Variants in RNF17 observed in about 807,000 individuals in gnomAD.
RNF17 encodes ring finger protein 17, also known as spermatogenesis associated 23.
Under a neutral mutation model 200.5 loss-of-function variants are expected in RNF17, and 31 were observed. The ratio of observed to expected loss-of-function variants is 0.15; its 90% CI spans 0.12 to 0.21. The LOEUF (loss-of-function observed/expected upper bound fraction) is 0.21. Among genes scored for constraint, RNF17 ranks in the 10% least tolerant of loss-of-function variants. The pLI is 1.00. For synonymous variants in RNF17, 606 were observed against 637.8 expected, an observed-to-expected ratio of 0.95 and a Z score of 0.75; for missense variants, 1,628 against 1,905.1, an observed-to-expected ratio of 0.85 and a Z score of 2.71.
chr13:24,770,871 A>G (rs183252995), intron 2 of RNF17, among the ~76,000 whole-genome samples: 15 of 152,300 alleles, frequency 9.8e-5, no homozygotes, highest in Admixed American at 7.8e-4. Flanking sequence ...ATTGTGTACA[A>G]TTCCTCAACC....
intron 15 of RNF17, among the ~76,000 whole-genome samples, chr13:24,822,198 T>C (rs928089290): frequency 6.6e-6 from 1 of 152,130 alleles, no homozygotes; most frequent in African/African-American, 2.4e-5. Flanking sequence ...GGCACCATCC[T>C]GTGTGCTTCT....
Position 24,812,998 on chromosome 13 carries a change from A to C in RNF17, c.2091+8569A>C, listed in dbSNP as rs1461517309. Among the ~76,000 whole-genome samples the C allele has an allele frequency of 2.0e-5, 3 of 152,106 alleles. No individual in the cohort carries two copies. The East Asian group carries it at 5.8e-4, about 30-fold the overall frequency. ...CGCCCGGCCAATAGCATTCTTAATA[A>C]GTGTGAAATGGTATCACTTTGTGAT... On this transcript the variant is annotated intron_variant, in intron 15 of 35. Transcript: ENST00000255324.
intron 7 of RNF17, among the ~76,000 whole-genome samples, chr13:24,788,644 A>T (rs1336018892): frequency 6.6e-6 from 1 of 152,162 alleles, no homozygotes; most frequent in Non-Finnish European, 1.5e-5. Context: ...GTGCAAGTCA[A>T]GAGACAGCTT....
chr13:24,869,737 T>A (rs187145743), intron 31 of RNF17, among the ~76,000 whole-genome samples: 4 of 152,148 alleles, frequency 2.6e-5, no homozygotes, highest in Non-Finnish European at 2.9e-5. Flanking sequence ...GTCTCAGGAG[T>A]CACACACTGT....
chr13:24,825,826 T>C, intron 16 of RNF17, 54 bp downstream of exon 16: 2 of 1,543,584 alleles, frequency 1.3e-6, no homozygotes, highest in East Asian at 4.5e-5. Flanking sequence ...AAAACTAATA[T>C]CATTTGAGTT....
Position 24,822,911 on chromosome 13 carries a change from T to G in RNF17, c.2092-2708T>G, listed in dbSNP as rs9578787. ...TGGTTTTCAGTGAGGTCAGGAATTC[T>G]TGACACTTTGTGTCATATCTTTACA... is the stretch of plus-strand genomic sequence containing the variant. On this transcript the variant is annotated intron_variant, in intron 15 of 35. Coordinates refer to ENST00000255324, the MANE Select transcript of RNF17 (RefSeq NM_031277.3). Among the ~76,000 whole-genome samples, 287 of 152,374 alleles carry G rather than the reference T, an allele frequency of 1.9e-3. 1 individual carries two copies. Among genetic ancestry groups the G allele is most frequent in the African/African-American group, 6.7e-3 (277 of 41,580 alleles).
the RNF17 span, chr13:24,885,187 G>A: frequency 2.3e-6 from 2 of 875,086 alleles, no homozygotes; most frequent in Non-Finnish European, 3.7e-6. Context: ...CTTGTCCAAA[G>A]AGCCCTTATT....
Position 24,877,088 on chromosome 13 carries a change from G to C in RNF17, c.4675G>C (p.Gly1559Arg), listed in dbSNP as rs1894941556. The change falls in exon 34 of 36, where the codon GGG (glycine) becomes CGG (arginine). Residue 1559 changes from glycine to arginine, a missense_variant. Transcript: ENST00000255324. ...GTTTAAACCTCCCTTAAGGGATCTAGGGGAGACAAGAATACCATATTGTCC... is the reference window on the plus strand; with the variant it reads ...GTTTAAACCTCCCTTAAGGGATCTACGGGAGACAAGAATACCATATTGTCC... ...AGFKPPLRDL[G>R]ETRIPYCPKW... 6.2e-7 allele frequency: 1 copy of C among 1,612,694 alleles called. No individual in the cohort carries two copies. Among genetic ancestry groups the C allele is most frequent in the Non-Finnish European group, 8.5e-7 (1 of 1,178,954 alleles).
intron 28 of RNF17, among the ~76,000 whole-genome samples, chr13:24,864,181 CGG>C (rs1178096059): frequency 6.6e-6 from 1 of 152,082 alleles, no homozygotes; most frequent in Non-Finnish European, 1.5e-5. Flanking sequence ...ACAGACCACA[CGG>C]GTGCAGGGAG....
chr13:24,757,109 G>A, the RNF17 span, among the ~76,000 whole-genome samples: 1 of 152,016 alleles, frequency 6.6e-6, no homozygotes, highest in Admixed American at 6.6e-5. Flanking sequence ...CCATGTTCCA[G>A]AACAAGAATG....
At chr13:24,872,349 T>C (rs1044800439) in intron 32 of RNF17, among the ~76,000 whole-genome samples, 2 of 152,226 alleles carry the variant, frequency 1.3e-5, no homozygotes, top group Admixed American at 1.3e-4. Context: ...TCAAGTATTT[T>C]AATGCCACTT....
At position 24,771,323 on chromosome 13, in the gene RNF17, C is replaced by CTTTTTTTTTTTTTT. The variant is rs35220494; in HGVS notation, c.226-3476_226-3463dup. On this transcript the variant is annotated intron_variant, in intron 2 of 35. Coordinates refer to ENST00000255324, the MANE Select transcript of RNF17 (RefSeq NM_031277.3). Reference sequence around the variant, plus strand: ...GGGAGTACCACTGCACACAGATAATCTTTTTTTTTTTTTTTTTTTTTTTTT... The same window carrying CTTTTTTTTTTTTTT: ...GGGAGTACCACTGCACACAGATAATCTTTTTTTTTTTTTTTTTTTTTTTTTTTTTTTTTTTTTTT... Among the ~76,000 whole-genome samples, 12 of 78,018 alleles carry CTTTTTTTTTTTTTT rather than the reference C, an allele frequency of 1.5e-4. 1 individual carries two copies. Among genetic ancestry groups the CTTTTTTTTTTTTTT allele is most frequent in the African/African-American group, 2.8e-4 (6 of 21,570 alleles). The allele number at this position is 78,018 out of a possible 152,430, so 51.2% of individuals were successfully genotyped here. A position where few individuals can be genotyped will look rare whatever the true frequency, so the allele number is the denominator to read the frequency against.
chr13:24,774,514 A>G (rs1472777315), intron 2 of RNF17, among the ~76,000 whole-genome samples: 2 of 152,258 alleles, frequency 1.3e-5, no homozygotes, highest in South Asian at 2.1e-4. Flanking sequence ...CTGGCCTAAC[A>G]TTTTTAAAGT....
upstream of RNF17, among the ~76,000 whole-genome samples, chr13:24,760,132 C>T (rs1878593224): frequency 6.6e-6 from 1 of 152,072 alleles, no homozygotes; most frequent in South Asian, 2.1e-4. Flanking sequence ...CAGAGCAAGA[C>T]TCCATCTCAA....
the RNF17 span, among the ~76,000 whole-genome samples, chr13:24,748,012 G>T: frequency 4.6e-5 from 7 of 152,244 alleles, no homozygotes; most frequent in Non-Finnish European, 1.0e-4. Flanking sequence ...GGGCGGGGCT[G>T]CTGGACTTCC....
At chr13:24,771,352 G>GTTTA (rs1566113539) in intron 2 of RNF17, among the ~76,000 whole-genome samples, 57 of 68,184 alleles carry the variant, frequency 8.4e-4, no homozygotes, top group South Asian at 1.2e-3. Context: ...TTTTTTTTTG[G>GTTTA]AAGAGGTGAA....
At chr13:24,806,649 T>C (rs187118616) in intron 15 of RNF17, among the ~76,000 whole-genome samples, 93 of 152,260 alleles carry the variant, frequency 6.1e-4, no homozygotes, top group Non-Finnish European at 5.1e-4. Context: ...ATAGCGTTCT[T>C]TTTTTATTAT....
intron 16 of RNF17, among the ~76,000 whole-genome samples, chr13:24,829,202 A>C (rs185523948): frequency 1.3e-5 from 2 of 152,098 alleles, no homozygotes; most frequent in Admixed American, 1.3e-4. Flanking sequence ...CCAGTATTGG[A>C]TCCCTTGTTT....
intron 2 of RNF17, among the ~76,000 whole-genome samples, chr13:24,772,896 C>A (rs547921937): frequency 1.3e-5 from 2 of 152,170 alleles, no homozygotes; most frequent in South Asian, 2.1e-4. Flanking sequence ...CAGGCGTGAG[C>A]CACCGCCCCT....
Sources: allele counts gnomAD v4.1 joint callset (sites outside exome capture counted in the v4.1 genomes callset), GRCh38; gene constraint gnomAD v4.1.1; transcripts MANE v1.5; gene names NCBI Gene and HGNC (gene_info 2026-07-23, HGNC 2026-07-21).